The following NRG1 variants were observed in gnomAD, a reference collection of about 807,000 sequenced individuals.
NRG1 encodes neuregulin 1, also known as pro-neuregulin-1, membrane-bound isoform.
NRG1 carries 18 observed loss-of-function variants against 63.8 expected under a neutral mutation model. That is an observed-to-expected ratio of 0.28 (90% CI 0.19 to 0.42). The LOEUF is 0.42. Ranked by LOEUF, NRG1 falls within the 10% of genes least tolerant of loss-of-function variation. The probability of loss-of-function intolerance (pLI) is 1.00; values close to 1 mark genes in which losing one functional copy is unlikely to be tolerated. For synonymous variants in NRG1, 302 were observed against 301.3 expected, an observed-to-expected ratio of 1.00 and a Z score of -0.02; for missense variants, 762 against 814.7, an observed-to-expected ratio of 0.94 and a Z score of 0.79.
At chr8:32,527,648 AT>A (rs1409526672) in intron 1 of NRG1, among the ~76,000 whole-genome samples, 1 of 152,192 alleles carries the variant, frequency 6.6e-6, no homozygotes, top group Non-Finnish European at 1.5e-5. Context: ...ATCTATACAA[AT>A]AAAAGCTAAA....
intron 1 of NRG1, among the ~76,000 whole-genome samples, chr8:32,182,832 G>A (rs567000787): frequency 6.6e-6 from 1 of 152,208 alleles, no homozygotes; most frequent in South Asian, 2.1e-4. Flanking sequence ...TTTTTAGGCA[G>A]AGAGTCATCA....
intron 5 of NRG1, among the ~76,000 whole-genome samples, chr8:32,688,348 A>T (rs761002933): frequency 6.6e-6 from 1 of 152,168 alleles, no homozygotes; most frequent in African/African-American, 2.4e-5. Flanking sequence ...AATTGACATT[A>T]TAACCATCTT....
At chr8:31,788,007 C>T (rs1199698897) in intron 1 of NRG1, among the ~76,000 whole-genome samples, 1 of 151,984 alleles carries the variant, frequency 6.6e-6, no homozygotes, top group African/African-American at 2.4e-5. Flanking sequence ...CCAATTTTGC[C>T]AGAGGGTTGA....
intron 1 of NRG1, among the ~76,000 whole-genome samples, chr8:32,276,389 A>G (rs754173739): frequency 6.6e-6 from 1 of 152,152 alleles, no homozygotes; most frequent in Admixed American, 6.5e-5. Context: ...ATTCTTTTTT[A>G]CAGCTGAATA....
chr8:31,657,954 C>T (rs1805593535), intron 1 of NRG1, among the ~76,000 whole-genome samples: 1 of 152,322 alleles, frequency 6.6e-6, no homozygotes, highest in East Asian at 1.9e-4. Context: ...CTTTTGCCCT[C>T]TCTGCCAACG....
chr8:31,934,692 A>G (rs1835155977), intron 1 of NRG1, among the ~76,000 whole-genome samples: 8 of 152,088 alleles, frequency 5.3e-5, no homozygotes, highest in Admixed American at 4.6e-4. Context: ...ATTGACTGAT[A>G]GCTACTATTT....
intron 1 of NRG1, among the ~76,000 whole-genome samples, chr8:31,863,991 G>A (rs1441812965): frequency 6.6e-6 from 1 of 152,130 alleles, no homozygotes; most frequent in South Asian, 2.1e-4. Flanking sequence ...AACATATGTT[G>A]AGTGAATGTA....
At chr8:31,889,871 A>G (rs1474255064) in intron 1 of NRG1, among the ~76,000 whole-genome samples, 1 of 152,200 alleles carries the variant, frequency 6.6e-6, no homozygotes, top group Non-Finnish European at 1.5e-5. Context: ...CACATCTCGG[A>G]GAAGTGAGCC....
intron 1 of NRG1, among the ~76,000 whole-genome samples, chr8:32,118,728 C>T (rs1419584076): frequency 6.6e-6 from 1 of 152,002 alleles, no homozygotes; most frequent in Non-Finnish European, 1.5e-5. Flanking sequence ...CACATGAAAG[C>T]CTAAAATGGT....
intron 1 of NRG1, among the ~76,000 whole-genome samples, chr8:31,984,587 G>T (rs961673786): frequency 1.2e-4 from 19 of 152,206 alleles, no homozygotes; most frequent in African/African-American, 4.3e-4. Flanking sequence ...ACACTGGAGA[G>T]AATGCTTGTG....
At chr8:32,688,265 T>A (rs1324247697) in intron 5 of NRG1, among the ~76,000 whole-genome samples, 8 of 152,330 alleles carry the variant, frequency 5.3e-5, no homozygotes, top group Non-Finnish European at 1.2e-4. Context: ...GTGCTCTTTA[T>A]ACTTTTCATG....
At chr8:32,541,775 C>T (rs886899418) in intron 1 of NRG1, among the ~76,000 whole-genome samples, 2 of 152,016 alleles carry the variant, frequency 1.3e-5, no homozygotes, top group African/African-American at 2.4e-5. Context: ...AAAATGACCG[C>T]CAAGTATGTA....
chr8:32,414,664 G>A (rs1485221542), intron 1 of NRG1, among the ~76,000 whole-genome samples: 1 of 152,096 alleles, frequency 6.6e-6, no homozygotes, highest in African/African-American at 2.4e-5. Context: ...ATTTCTCCCT[G>A]TAGCAGGAGA....
chr8:32,237,471 A>C (rs776211668), intron 1 of NRG1, among the ~76,000 whole-genome samples: 3 of 151,910 alleles, frequency 2.0e-5, no homozygotes, highest in Non-Finnish European at 4.4e-5. Context: ...CTTTGCTCTG[A>C]AACTTTGTGC....
intron 1 of NRG1, among the ~76,000 whole-genome samples, chr8:31,918,788 T>A (rs1182601182): frequency 6.6e-6 from 1 of 152,072 alleles, no homozygotes; most frequent in Non-Finnish European, 1.5e-5. Context: ...TACCAGTTCC[T>A]CCTTGTACCT....
At chr8:32,298,233 G>A (rs1855121939) in intron 1 of NRG1, among the ~76,000 whole-genome samples, 1 of 152,210 alleles carries the variant, frequency 6.6e-6, no homozygotes, top group South Asian at 2.1e-4. Context: ...AATGAAGTTA[G>A]AAGACATCTC....
chr8:32,130,393 T>A (rs996217240), intron 1 of NRG1, among the ~76,000 whole-genome samples: 29 of 152,108 alleles, frequency 1.9e-4, no homozygotes, highest in African/African-American at 6.5e-4. Flanking sequence ...TAAAAGGGAC[T>A]GAGATAGAGA....
intron 1 of NRG1, among the ~76,000 whole-genome samples, chr8:31,872,357 C>T (rs1255296279): frequency 2.6e-5 from 4 of 151,994 alleles, no homozygotes; most frequent in African/African-American, 4.8e-5. Flanking sequence ...CTTTCTTGTT[C>T]CAACTACATC....
intron 1 of NRG1, among the ~76,000 whole-genome samples, chr8:32,470,822 T>C: frequency 6.6e-6 from 1 of 151,888 alleles, no homozygotes; most frequent in Non-Finnish European, 1.5e-5. Context: ...TCTTCTTCAG[T>C]CAGGGTTTTG....
Sources: gnomAD v4.1 joint callset for allele counts (sites outside exome capture counted in the v4.1 genomes callset) on GRCh38, gnomAD v4.1.1 for gene constraint, MANE v1.5 for transcripts, NCBI Gene and HGNC (gene_info 2026-07-23, HGNC 2026-07-21) for gene names.